The following STAP1 variants were observed in gnomAD, a reference collection of about 807,000 sequenced individuals.
The protein encoded by STAP1 is signal-transducing adaptor protein 1.
Under a neutral mutation model 37.8 loss-of-function variants are expected in STAP1, and 30 were observed. The ratio of observed to expected loss-of-function variants is 0.79; its 90% CI spans 0.59 to 1.08. The LOEUF (loss-of-function observed/expected upper bound fraction) is 1.08. STAP1 is among the 50% of genes least tolerant of loss of function. The pLI, the probability that STAP1 is intolerant of heterozygous loss-of-function variation, is 0.00. For missense variants in STAP1, 357 were observed against 349.4 expected, an observed-to-expected ratio of 1.02 and a Z score of -0.17; for synonymous variants, 130 against 116.0, an observed-to-expected ratio of 1.12 and a Z score of -0.78.
rs1165695634 is a variant in STAP1, at chr4:67,606,416, CTTACTT to C, written c.*63_*68del. The C allele has an allele frequency of 1.6e-5, 24 of 1,480,624 alleles. No homozygotes were observed. Among genetic ancestry groups the C allele is most frequent in the Non-Finnish European group, 2.0e-5 (22 of 1,086,714 alleles). 91.7% of individuals were successfully genotyped at this position (1,480,624 alleles called of 1,614,324 possible). On this transcript the variant is annotated 3_prime_UTR_variant, in exon 9 of 9. Coordinates refer to ENST00000265404, the MANE Select transcript of STAP1 (RefSeq NM_012108.4). ...TAATTTATATTTTCAAAACGAAGTT[CTTACTT>C]TTAAAGAGAATTACCTATATTCTCC...
intron 1 of STAP1, among the ~76,000 whole-genome samples, chr4:67,568,612 G>T (rs958857138): frequency 6.6e-6 from 1 of 152,082 alleles, no homozygotes; most frequent in Admixed American, 6.6e-5. Flanking sequence ...GTAGAATCTA[G>T]AGTAATATGA....
chr4:67,594,452 C>T (rs1728181316), intron 8 of STAP1, among the ~76,000 whole-genome samples: 1 of 151,558 alleles, frequency 6.6e-6, no homozygotes, highest in African/African-American at 2.4e-5. Context: ...GGATATGACC[C>T]CTTCAGCTTG....
At chr4:67,606,268 A>G (rs1728447425) in intron 8 of STAP1, 28 bp from the exon 9 acceptor site, 1 of 1,591,860 alleles carries the variant, frequency 6.3e-7, no homozygotes, top group East Asian at 2.2e-5. Context: ...TGGTTCGCTA[A>G]TTAAGTTTTT....
intron 1 of STAP1, among the ~76,000 whole-genome samples, chr4:67,569,827 T>G (rs1489252647): frequency 6.6e-6 from 1 of 152,198 alleles, no homozygotes; most frequent in Non-Finnish European, 1.5e-5. Context: ...CCTCCTGGGT[T>G]CAGGTGATTC....
chr4:67,601,582 G>A (rs1381394223), intron 8 of STAP1, among the ~76,000 whole-genome samples: 1 of 152,152 alleles, frequency 6.6e-6, no homozygotes, highest in African/African-American at 2.4e-5. Context: ...GTTTAGGAAA[G>A]TATGTCTCCT....
chr4:67,575,394 A>AT lies in STAP1; in HGVS notation c.202_203insT (p.Lys68IlefsTer12), dbSNP rs1475224350. 1.3e-6 allele frequency: 2 copies of AT among 1,586,774 alleles called. No homozygotes were observed. The highest frequency in any genetic ancestry group is 2.3e-5 in the South Asian group (2 of 85,288). ...TCCTTTATCTTTGCAGTATGTTGAC[A>AT]AATTAGACATAGTAGACCTCACATG... On this transcript the variant is annotated frameshift_variant, in exon 3 of 9. Transcript: ENST00000265404. LOFTEE classifies it high-confidence loss of function.
intron 6 of STAP1, among the ~76,000 whole-genome samples, chr4:67,585,109 T>C (rs1727952186): frequency 6.6e-6 from 1 of 152,202 alleles, no homozygotes; most frequent in Non-Finnish European, 1.5e-5. Context: ...CCACAACTGA[T>C]AATATAATTT....
Position 67,558,745 on chromosome 4 carries a change from C to T in STAP1, c.-65C>T, listed in dbSNP as rs1578017376. 6.4e-7 allele frequency: 1 copy of T among 1,566,732 alleles called. No individual in the cohort carries two copies. The highest frequency in any genetic ancestry group is 8.6e-7 in the Non-Finnish European group (1 of 1,159,924). On this transcript the variant is annotated 5_prime_UTR_variant, in exon 1 of 9. Coordinates refer to ENST00000265404, the MANE Select transcript of STAP1 (RefSeq NM_012108.4). ...CCTCTTTGAACAGTTGCCTTTTCCTCTCACAGAAGGAAGATTTCATTTTGT... is the reference window on the plus strand; with the variant it reads ...CCTCTTTGAACAGTTGCCTTTTCCTTTCACAGAAGGAAGATTTCATTTTGT...
chr4:67,562,809 TTATAAA>T (rs977589128), intron 1 of STAP1, among the ~76,000 whole-genome samples: 2 of 151,772 alleles, frequency 1.3e-5, no homozygotes, highest in African/African-American at 2.4e-5. Flanking sequence ...CATTTGGAAA[TTATAAA>T]TATATATATT....
In STAP1 at chr4:67,589,028, A is replaced by G. The variant is rs150076152; in HGVS notation, c.660-1856A>G. 4.5e-3 allele frequency among the ~76,000 whole-genome samples: 678 copies of G among 152,350 alleles called. 4 individuals carry two copies. Among genetic ancestry groups the G allele is most frequent in the African/African-American group, 0.013 (550 of 41,590 alleles). The stretch of plus-strand genomic sequence containing the variant: ...GCACCATCTCCATTTATAGATGAAG[A>G]AAATGGAGGTTCAGAGAACCCACAT... On this transcript the variant is annotated intron_variant, in intron 6 of 8. Transcript: ENST00000265404.
chr4:67,593,685 C>CA (rs1728168028), intron 8 of STAP1, among the ~76,000 whole-genome samples: 1 of 152,070 alleles, frequency 6.6e-6, no homozygotes, highest in African/African-American at 2.4e-5. Context: ...TAATGGAAAC[C>CA]AAATGGAATT....
At chr4:67,571,296 G>T in intron 2 of STAP1, 141 bp downstream of exon 2, 1 of 568,168 alleles carries the variant, frequency 1.8e-6, no homozygotes, top group Non-Finnish European at 3.0e-6. Flanking sequence ...TTAAATCTGT[G>T]GGGGCCGCCA....
chr4:67,600,706 A>G (rs946375162), intron 8 of STAP1, among the ~76,000 whole-genome samples: 2 of 152,026 alleles, frequency 1.3e-5, no homozygotes, highest in Admixed American at 6.5e-5. Flanking sequence ...TTGCAATTGT[A>G]CTTCTTGCTG....
At chr4:67,587,934 G>A (rs1307912878) in intron 6 of STAP1, among the ~76,000 whole-genome samples, 2 of 149,468 alleles carry the variant, frequency 1.3e-5, no homozygotes, top group African/African-American at 4.9e-5. Context: ...ATGTTGGTCA[G>A]GCTGGTCTCG....
At chr4:67,559,213 A>G (rs993976690) in intron 1 of STAP1, among the ~76,000 whole-genome samples, 1 of 152,210 alleles carries the variant, frequency 6.6e-6, no homozygotes, top group Non-Finnish European at 1.5e-5. Flanking sequence ...ATTTATTTAA[A>G]TATCACAAAA....
In STAP1 at chr4:67,584,116, A is replaced by AAAAAAAT. The variant is rs1553901804; in HGVS notation, c.659+414_659+415insAAAAAAT. ...CGGTCTCGAAAAAAAAAAAAAAAAA[A>AAAAAAAT]GAACACAAGAATAGGGAGGGAATGT... On this transcript the variant is annotated intron_variant, in intron 6 of 8. Transcript: ENST00000265404. Among the ~76,000 whole-genome samples, 4 of 134,096 alleles carry AAAAAAAT rather than the reference A, an allele frequency of 3.0e-5. 1 individual carries two copies. The highest frequency in any genetic ancestry group is 2.7e-5 in the African/African-American group (1 of 36,714). The allele number at this position is 134,096 out of a possible 152,430, so 88.0% of individuals were successfully genotyped here.
chr4:67,576,706 G>C (rs984240209), intron 3 of STAP1, among the ~76,000 whole-genome samples: 2 of 152,076 alleles, frequency 1.3e-5, no homozygotes, highest in African/African-American at 2.4e-5. Flanking sequence ...TGTTGCCCAG[G>C]CTGTCTCAAA....
chr4:67,584,109 A>G (rs1727929630), intron 6 of STAP1, among the ~76,000 whole-genome samples: 1 of 147,078 alleles, frequency 6.8e-6, no homozygotes, highest in Admixed American at 6.9e-5. Context: ...AAAAAAAAAA[A>G]AAAAAAAGAA....
At chr4:67,591,607 G>A (rs1280103092) in intron 7 of STAP1, among the ~76,000 whole-genome samples, 3 of 152,218 alleles carry the variant, frequency 2.0e-5, no homozygotes, top group Non-Finnish European at 4.4e-5. Context: ...GGCTGCAGTA[G>A]TGGGAAGATT....
Sources: allele counts gnomAD v4.1 joint callset (sites outside exome capture counted in the v4.1 genomes callset), GRCh38; gene constraint gnomAD v4.1.1; transcripts MANE v1.5; gene names NCBI Gene and HGNC (gene_info 2026-07-23, HGNC 2026-07-21).